DNM3: variants seen among roughly 807,000 people sequenced by gnomAD.
The protein encoded by DNM3 is dynamin 3, also known as dynamin-3.
Under a neutral mutation model 101.6 loss-of-function variants are expected in DNM3, and 47 were observed. The ratio of observed to expected loss-of-function variants is 0.46; its 90% confidence interval spans 0.37 to 0.59. DNM3 has a LOEUF of 0.59. Among genes scored for constraint, DNM3 ranks in the 20% least tolerant of loss-of-function variants. The pLI is 0.00. For synonymous variants in DNM3, 385 were observed against 387.9 expected, an observed-to-expected ratio of 0.99 and a Z score of 0.09; for missense variants, 849 against 1,085.7, an observed-to-expected ratio of 0.78 and a Z score of 3.06.
At chr1:172,043,621 C>T (rs12037831) in intron 8 of DNM3, among the ~76,000 whole-genome samples, 56,765 of 151,760 alleles carry the variant, frequency 0.37, 11,119 homozygotes, top group East Asian at 0.64. Flanking sequence ...AAGAGGTAGG[C>T]TACAGGAGGG....
intron 14 of DNM3, among the ~76,000 whole-genome samples, chr1:172,225,480 T>A (rs1489997499): frequency 6.6e-6 from 1 of 152,134 alleles, no homozygotes; most frequent in Non-Finnish European, 1.5e-5. Context: ...TTTTTCCCAG[T>A]GTCAGCACAT....
chr1:172,072,934 A>T (rs1272010141), intron 11 of DNM3, among the ~76,000 whole-genome samples: 3 of 152,200 alleles, frequency 2.0e-5, no homozygotes, highest in African/African-American at 7.2e-5. Context: ...AGCCTGGTAG[A>T]TAGTTACACA....
rs192312492 is a variant in DNM3 at position 171,930,854 on chromosome 1, G to A, written c.235+9033G>A. Among the ~76,000 whole-genome samples the A allele has an allele frequency of 2.0e-4, 31 of 152,260 alleles. No homozygotes were observed. In the East Asian group the frequency reaches 6.0e-3, roughly 29 times the overall value. ...TAGCTGATTCTAGTCGGCCATCTTG[G>A]CCACCTCTCATCAATTGTATTTCTA... On this transcript the variant is annotated intron_variant, in intron 2 of 20. Transcript: ENST00000627582.
intron 2 of DNM3, among the ~76,000 whole-genome samples, chr1:171,978,167 T>A (rs1357936223): frequency 6.6e-6 from 1 of 152,150 alleles, no homozygotes; most frequent in Non-Finnish European, 1.5e-5. Flanking sequence ...GTTCTCATGG[T>A]GCTTATATGC....
intron 17 of DNM3, among the ~76,000 whole-genome samples, chr1:172,372,611 A>G (rs1221977594): frequency 6.7e-6 from 1 of 148,392 alleles, no homozygotes; most frequent in Non-Finnish European, 1.5e-5. Flanking sequence ...AATTAGATAG[A>G]TAATGTTACC....
chr1:172,282,813 C>A (rs1321585992), intron 15 of DNM3, among the ~76,000 whole-genome samples: 1 of 152,070 alleles, frequency 6.6e-6, no homozygotes. Flanking sequence ...GCAACTATAC[C>A]CCAGTGGACA....
chr1:172,026,671 T>C (rs1426382311), intron 4 of DNM3, among the ~76,000 whole-genome samples: 3 of 151,896 alleles, frequency 2.0e-5, no homozygotes, highest in African/African-American at 7.3e-5. Context: ...TTTTTTTTTT[T>C]TGAGACAGAA....
chr1:172,214,268 G>A (rs924486947), intron 14 of DNM3, among the ~76,000 whole-genome samples: 11 of 152,054 alleles, frequency 7.2e-5, no homozygotes, highest in Non-Finnish European at 1.5e-4. Flanking sequence ...GCAATATATT[G>A]TCCTACTTGT....
chr1:171,869,530 T>A (rs1399926249), intron 1 of DNM3, among the ~76,000 whole-genome samples: 1 of 152,254 alleles, frequency 6.6e-6, no homozygotes, highest in African/African-American at 2.4e-5. Context: ...TCTCCAGTTA[T>A]ACTAACCAAG....
chr1:172,055,786 A>G (rs998365197), intron 10 of DNM3, among the ~76,000 whole-genome samples: 1 of 152,208 alleles, frequency 6.6e-6, no homozygotes, highest in African/African-American at 2.4e-5. Flanking sequence ...AGGTTTATAT[A>G]GATGTGCTAT....
At chr1:172,091,416 C>T (rs1411886392) in intron 12 of DNM3, among the ~76,000 whole-genome samples, 11 of 151,994 alleles carry the variant, frequency 7.2e-5, no homozygotes, top group Non-Finnish European at 4.4e-5. Flanking sequence ...GGGAGGGATG[C>T]GGTTATAAAT....
chr1:172,384,030 T>G (rs2149069711), intron 18 of DNM3, among the ~76,000 whole-genome samples: 1 of 152,308 alleles, frequency 6.6e-6, no homozygotes, highest in Non-Finnish European at 1.5e-5. Context: ...CTGATTGTCA[T>G]GCAGAATTCT....
At chr1:172,252,692 G>C (rs997301359) in intron 14 of DNM3, among the ~76,000 whole-genome samples, 1 of 151,964 alleles carries the variant, frequency 6.6e-6, no homozygotes, top group African/African-American at 2.4e-5. Flanking sequence ...TGAGTATTTG[G>C]CTCTCTCCTA....
intron 1 of DNM3, among the ~76,000 whole-genome samples, chr1:171,861,076 A>T (rs907290779): frequency 2.0e-5 from 3 of 152,164 alleles, no homozygotes; most frequent in African/African-American, 7.2e-5. Flanking sequence ...AAAACTATAC[A>T]ACATCATTGA....
intron 17 of DNM3, among the ~76,000 whole-genome samples, chr1:172,340,785 A>G (rs2066651524): frequency 6.6e-6 from 1 of 152,114 alleles, no homozygotes; most frequent in South Asian, 2.1e-4. Context: ...CTATTTGGAT[A>G]TCTTTTATTT....
At chr1:172,356,178 G>C (rs115033317) in intron 17 of DNM3, among the ~76,000 whole-genome samples, 2 of 151,902 alleles carry the variant, frequency 1.3e-5, no homozygotes. Context: ...TAAAAGGAAC[G>C]AAACGAAAAA....
chr1:172,333,716 G>T (rs2066293569), intron 17 of DNM3, among the ~76,000 whole-genome samples: 1 of 152,026 alleles, frequency 6.6e-6, no homozygotes. Context: ...ATTTAAATAA[G>T]GGTTCAGAAA....
At chr1:171,901,032 G>C (rs2038276959) in intron 1 of DNM3, among the ~76,000 whole-genome samples, 1 of 148,550 alleles carries the variant, frequency 6.7e-6, no homozygotes, top group African/African-American at 2.5e-5. Context: ...AGAATGGCGT[G>C]AACCCGGGAG....
chr1:172,113,620 CAAAAAAAAAAAAAAA>C (rs34129992), intron 13 of DNM3, among the ~76,000 whole-genome samples: 11 of 52,358 alleles, frequency 2.1e-4, no homozygotes, highest in East Asian at 6.5e-4. Flanking sequence ...AACTCTGTCT[CAAAAAAAAAAAAAAA>C]AAAAAAAAAC....
Sources: gnomAD v4.1 joint callset for allele counts (sites outside exome capture counted in the v4.1 genomes callset) on GRCh38, gnomAD v4.1.1 for gene constraint, MANE v1.5 for transcripts, NCBI Gene and HGNC (gene_info 2026-07-23, HGNC 2026-07-21) for gene names.